The following THSD7B variants were observed in gnomAD, a reference collection of about 807,000 sequenced individuals.
THSD7B encodes the protein thrombospondin type-1 domain-containing protein 7B.
In THSD7B, 138 loss-of-function variants were observed where a neutral mutation model predicts 213.6. The ratio of observed to expected loss-of-function variants is 0.65; its 90% CI spans 0.56 to 0.74. The LOEUF is 0.74. Among genes scored for constraint, THSD7B ranks in the 30% least tolerant of loss-of-function variants. The pLI is 0.00. For missense variants in THSD7B, 1,931 were observed against 1,991.5 expected (o/e 0.97, Z 0.58); for synonymous variants, 742 against 687.0 (o/e 1.08, Z -1.25).
chr2:137,144,978 G>A (rs939879024), intron 5 of THSD7B, among the ~76,000 whole-genome samples: 1 of 151,904 alleles, frequency 6.6e-6, no homozygotes, highest in Non-Finnish European at 1.5e-5. Flanking sequence ...GTAAAAGTAG[G>A]ATATTATTAT....
chr2:137,521,007 T>G (rs2105166371), intron 15 of THSD7B, among the ~76,000 whole-genome samples: 1 of 152,318 alleles, frequency 6.6e-6, no homozygotes, highest in African/African-American at 2.4e-5. Flanking sequence ...TCCTAATTTC[T>G]CTGACCTGAG....
chr2:137,384,726 C>A (rs1685854397), intron 12 of THSD7B, among the ~76,000 whole-genome samples: 1 of 152,114 alleles, frequency 6.6e-6, no homozygotes, highest in Non-Finnish European at 1.5e-5. Flanking sequence ...GACTTAATGC[C>A]TTTTCAGGTG....
At chr2:137,412,001 G>A in intron 14 of THSD7B, 129 bp downstream of exon 14, 1 of 1,085,104 alleles carries the variant, frequency 9.2e-7, no homozygotes, top group African/African-American at 1.6e-5. Flanking sequence ...ATAACACATT[G>A]TCTCTCATAA....
At chr2:137,157,485 A>AT (rs1679931446) in intron 5 of THSD7B, among the ~76,000 whole-genome samples, 1 of 152,142 alleles carries the variant, frequency 6.6e-6, no homozygotes, top group African/African-American at 2.4e-5. Context: ...TGGATGTTGC[A>AT]TTTTCAGCTC....
chr2:136,889,627 G>C (rs1490077928), intron 2 of THSD7B, among the ~76,000 whole-genome samples: 1 of 152,020 alleles, frequency 6.6e-6, no homozygotes, highest in Non-Finnish European at 1.5e-5. Flanking sequence ...TTATTGTTTT[G>C]CTTGGTTTTC....
chr2:137,483,603 T>C (rs536693420), intron 15 of THSD7B, among the ~76,000 whole-genome samples: 1 of 152,310 alleles, frequency 6.6e-6, no homozygotes, highest in Non-Finnish European at 1.5e-5. Flanking sequence ...TATTTCTTTG[T>C]AGATGGATTT....
intron 3 of THSD7B, among the ~76,000 whole-genome samples, chr2:137,082,874 A>G (rs1687772750): frequency 6.6e-6 from 1 of 152,148 alleles, no homozygotes; most frequent in Non-Finnish European, 1.5e-5. Flanking sequence ...GAAATTGATC[A>G]TAATACTAAA....
Position 137,056,517 on chromosome 2 carries a change from T to A in THSD7B, c.237T>A (p.Ser79=), listed in dbSNP as rs755092409. 3 of 1,613,874 alleles carry A rather than the reference T, an allele frequency of 1.9e-6. No individual in the cohort carries two copies. The Admixed American group carries it at 5.0e-5, about 27-fold the overall frequency. The change falls in exon 3 of 28, where the codon TCT becomes TCA. Residue 79 remains serine, a synonymous_variant. Transcript: ENST00000409968. The part of the protein sequence containing the change: ...FHVDGWTSHL[S]NCGESNRPPK... The stretch of plus-strand genomic sequence containing the variant: ...TTGACGGGTGGACAAGTCACCTGTC[T>A]AACTGTGGTGAGAGCAACAGGCCTC...
chr2:136,949,842 A>T (rs909306902), intron 2 of THSD7B, among the ~76,000 whole-genome samples: 1 of 152,198 alleles, frequency 6.6e-6, no homozygotes, highest in Non-Finnish European at 1.5e-5. Context: ...CTGGATATAT[A>T]CCTAAAGGAA....
chr2:136,863,706 C>T (rs1683289772), intron 1 of THSD7B, among the ~76,000 whole-genome samples: 1 of 152,058 alleles, frequency 6.6e-6, no homozygotes. Context: ...AGGGTTCCAG[C>T]CACAACTATT....
chr2:136,867,046 T>C (rs190230260), intron 1 of THSD7B, among the ~76,000 whole-genome samples: 45 of 152,320 alleles, frequency 3.0e-4, no homozygotes, highest in African/African-American at 1.0e-3. Flanking sequence ...ATTCAACATC[T>C]ACTGTCACCC....
chr2:137,409,336 C>G (rs1450352935), intron 13 of THSD7B, among the ~76,000 whole-genome samples: 5 of 152,172 alleles, frequency 3.3e-5, no homozygotes, highest in Non-Finnish European at 7.3e-5. Flanking sequence ...TGGACTGATG[C>G]AATGAATCTT....
intron 2 of THSD7B, among the ~76,000 whole-genome samples, chr2:136,883,352 C>A (rs202166614): frequency 3.2e-5 from 4 of 124,884 alleles, no homozygotes; most frequent in African/African-American, 8.7e-5. Flanking sequence ...AAAAAAAAAA[C>A]ACAGCCACCA....
At chr2:137,251,564 G>C (rs142115248) in intron 10 of THSD7B, among the ~76,000 whole-genome samples, 1 of 152,122 alleles carries the variant, frequency 6.6e-6, no homozygotes, top group Non-Finnish European at 1.5e-5. Flanking sequence ...ATAGGGTTTC[G>C]TTCTTGATAA....
At chr2:137,432,016 A>G (rs1687195845) in intron 14 of THSD7B, among the ~76,000 whole-genome samples, 1 of 152,210 alleles carries the variant, frequency 6.6e-6, no homozygotes, top group Admixed American at 6.5e-5. Context: ...CTCAAATTGG[A>G]AAGATCTTTA....
rs560344749 is a variant in THSD7B at position 137,003,880 on chromosome 2, A to G, written c.140-52540A>G. ...TGAATGTGGTATATCCAGGATTCAA[A>G]CCTGACATTTATCAGACTTTACCGC... On this transcript the variant is annotated intron_variant, in intron 2 of 27. Transcript: ENST00000409968. Among the ~76,000 whole-genome samples the G allele has an allele frequency of 3.7e-4, 56 of 152,298 alleles. 1 individual carries two copies. The South Asian group carries it at 0.012, about 32-fold the overall frequency.
chr2:137,455,963 A>G (rs1396976083), intron 15 of THSD7B, among the ~76,000 whole-genome samples: 1 of 152,202 alleles, frequency 6.6e-6, no homozygotes, highest in East Asian at 1.9e-4. Context: ...AGACAACTAT[A>G]TATTTTGTTT....
intron 1 of THSD7B, among the ~76,000 whole-genome samples, chr2:136,850,146 G>A (rs1202088508): frequency 6.6e-6 from 1 of 151,750 alleles, no homozygotes; most frequent in African/African-American, 2.4e-5. Flanking sequence ...GTATCATTCT[G>A]CAATTTGCTT....
intron 5 of THSD7B, among the ~76,000 whole-genome samples, chr2:137,124,771 A>T (rs569368416): frequency 1.3e-5 from 2 of 152,190 alleles, no homozygotes; most frequent in African/African-American, 2.4e-5. Context: ...GGCATGCAAC[A>T]TGATGTTTTG....
Sources: gnomAD v4.1 joint callset for allele counts (sites outside exome capture counted in the v4.1 genomes callset) on GRCh38, gnomAD v4.1.1 for gene constraint, MANE v1.5 for transcripts, NCBI Gene and HGNC (gene_info 2026-07-23, HGNC 2026-07-21) for gene names.